KPNA1: variants seen among roughly 807,000 people sequenced by gnomAD.
KPNA1 encodes the protein karyopherin subunit alpha 1, also known as importin subunit alpha-5.
Under a neutral mutation model 70.5 loss-of-function variants are expected in KPNA1, and 10 were observed. The observed-to-expected ratio is 0.14, with a 90% CI of 0.09 to 0.24. The LOEUF (loss-of-function observed/expected upper bound fraction) is 0.24, where lower values mean the gene tolerates loss of function less well. Ranked by LOEUF, KPNA1 falls within the 10% of genes least tolerant of loss-of-function variation. KPNA1 has a pLI of 1.00. For synonymous variants in KPNA1, 192 were observed against 221.9 expected (o/e 0.87, Z 1.20); for missense variants, 397 against 637.9 (o/e 0.62, Z 4.07).
At chr3:122,476,980 C>T (rs986656924) in intron 2 of KPNA1, among the ~76,000 whole-genome samples, 16 of 151,856 alleles carry the variant, frequency 1.1e-4, no homozygotes, top group African/African-American at 3.9e-4. Flanking sequence ...TCTGCACTCC[C>T]AGGTTCACTG....
intron 12 of KPNA1, among the ~76,000 whole-genome samples, chr3:122,431,805 C>CTTT (rs199643020): frequency 5.5e-5 from 8 of 144,650 alleles, no homozygotes; most frequent in African/African-American, 1.8e-4. Flanking sequence ...TCTTCTTCTT[C>CTTT]TTTTTTTTTT....
chr3:122,496,761 T>C (rs897952060), intron 1 of KPNA1, 191 bp from the exon 2 acceptor site: 1 of 437,386 alleles, frequency 2.3e-6, no homozygotes, highest in Middle Eastern at 5.9e-4. Flanking sequence ...TGGAGTACAG[T>C]GGTGCAATCA....
chr3:122,491,948 G>A (rs1397295708), intron 2 of KPNA1, among the ~76,000 whole-genome samples: 6 of 127,006 alleles, frequency 4.7e-5, no homozygotes, highest in Admixed American at 1.0e-4. Context: ...TGCAAGCTCC[G>A]CCTCCCGGGT....
Position 122,426,560 on chromosome 3 carries a change from G to GT in KPNA1, c.*424dup, listed in dbSNP as rs3834790. 18,725 of 157,234 alleles carry GT rather than the reference G, an allele frequency of 0.12. 1,342 individuals carry two copies. The highest frequency in any genetic ancestry group is 0.32 in the East Asian group (1,708 of 5,298). 9.7% of individuals were successfully genotyped at this position (157,234 alleles called of 1,614,324 possible). On this transcript the variant is annotated 3_prime_UTR_variant, in exon 14 of 14. Coordinates refer to ENST00000344337, the MANE Select transcript of KPNA1 (RefSeq NM_002264.4). ...AACAGGTCTAAACATCTCCCTTGTC[G>GT]TAAGTAGTTGTGTAAAATTCAAGAT...
chr3:122,477,738 ATGAGATGATCTGTATAT>A, intron 2 of KPNA1, among the ~76,000 whole-genome samples: 1 of 152,124 alleles, frequency 6.6e-6, no homozygotes, highest in East Asian at 1.9e-4. Flanking sequence ...TGATAGGTAT[ATGAGATGATCTGTATAT>A]TAATTTGCTT....
intron 5 of KPNA1, among the ~76,000 whole-genome samples, chr3:122,457,278 G>T (rs2076274737): frequency 1.3e-5 from 2 of 151,860 alleles, no homozygotes; most frequent in Non-Finnish European, 2.9e-5. Context: ...TGAAATAGTT[G>T]TGAAATGGGA....
chr3:122,466,695 A>G (rs1053834890), intron 3 of KPNA1, among the ~76,000 whole-genome samples: 2 of 152,174 alleles, frequency 1.3e-5, no homozygotes, highest in African/African-American at 4.8e-5. Flanking sequence ...AATCAATAAA[A>G]AATCATTATT....
chr3:122,514,151 C>T (rs900814244), intron 1 of KPNA1, among the ~76,000 whole-genome samples: 1 of 152,180 alleles, frequency 6.6e-6, no homozygotes, highest in African/African-American at 2.4e-5. Flanking sequence ...TTACCACACC[C>T]CCGATCAGCC....
chr3:122,477,088 C>T (rs2076510168), intron 2 of KPNA1, among the ~76,000 whole-genome samples: 1 of 151,982 alleles, frequency 6.6e-6, no homozygotes, highest in South Asian at 2.1e-4. Flanking sequence ...AACAGACCGA[C>T]GTTCTTAAAA....
At chr3:122,429,718 TG>T (rs2107714676) in intron 12 of KPNA1, among the ~76,000 whole-genome samples, 1 of 152,222 alleles carries the variant, frequency 6.6e-6, no homozygotes, top group South Asian at 2.1e-4. Flanking sequence ...AAAGTTTATA[TG>T]GGAAGGCAAA....
intron 1 of KPNA1, among the ~76,000 whole-genome samples, chr3:122,498,602 T>G (rs929802934): frequency 6.6e-6 from 1 of 152,230 alleles, no homozygotes; most frequent in African/African-American, 2.4e-5. Context: ...TCTATTCCAC[T>G]GATCTATATG....
At chr3:122,438,399 T>G (rs202040270) in intron 10 of KPNA1, among the ~76,000 whole-genome samples, 4 of 151,782 alleles carry the variant, frequency 2.6e-5, no homozygotes, top group Non-Finnish European at 4.4e-5. Context: ...TGTTTTTTTT[T>G]TTTTGAGACA....
chr3:122,427,651 A>G lies in KPNA1; in HGVS notation c.1316T>C (p.Ile439Thr). 2 of 1,614,164 alleles carry G rather than the reference A, an allele frequency of 1.2e-6. No individual in the cohort carries two copies. The highest frequency in any genetic ancestry group is 1.7e-6 in the Non-Finnish European group (2 of 1,179,998). ...CDLLTVMDSK[I>T]VQVALNGLEN... is the part of the protein sequence containing the mutation. ...CAAGCCATTTAGGGCAACCTGTACAATCTTAGAGTCCATGACCGTGAGGAG... is the reference window on the plus strand; with the variant it reads ...CAAGCCATTTAGGGCAACCTGTACAGTCTTAGAGTCCATGACCGTGAGGAG... Residue 439 changes from isoleucine (I) to threonine (T), a missense_variant, in exon 13 of 14, where the codon ATT (isoleucine) becomes ACT (threonine). Physicochemically the swap from Ile to Thr is moderately conservative, Grantham distance 89. Coordinates refer to ENST00000344337, the MANE Select transcript of KPNA1 (RefSeq NM_002264.4).
intron 1 of KPNA1, among the ~76,000 whole-genome samples, chr3:122,504,886 T>G (rs115974066): frequency 0.012 from 1,837 of 152,202 alleles, 31 homozygotes; most frequent in African/African-American, 0.042. Flanking sequence ...GAGAGGGGAT[T>G]ACATTTGTTC....
intron 2 of KPNA1, among the ~76,000 whole-genome samples, chr3:122,487,664 A>G (rs1251219945): frequency 6.6e-6 from 1 of 152,244 alleles, no homozygotes; most frequent in East Asian, 1.9e-4. Flanking sequence ...ACAAGAGGAC[A>G]AATATTGTAC....
At chr3:122,431,063 T>C (rs1160522198) in intron 12 of KPNA1, among the ~76,000 whole-genome samples, 2 of 152,234 alleles carry the variant, frequency 1.3e-5, no homozygotes, top group Non-Finnish European at 2.9e-5. Context: ...GTTTCTCTAA[T>C]TTCAGTTAAT....
chr3:122,440,978 T>A (rs1041854221), intron 10 of KPNA1, among the ~76,000 whole-genome samples: 8 of 152,214 alleles, frequency 5.3e-5, no homozygotes, highest in African/African-American at 1.9e-4. Flanking sequence ...TCCTTAATTT[T>A]AGAGATTAGA....
chr3:122,491,764 G>T (rs1025463233), intron 2 of KPNA1, among the ~76,000 whole-genome samples: 2 of 148,710 alleles, frequency 1.3e-5, no homozygotes, highest in Non-Finnish European at 3.0e-5. Flanking sequence ...GATGTACCAC[G>T]GTATCTAAAT....
In KPNA1 at chr3:122,426,930, A is replaced by C; in HGVS notation, c.*55T>G. 1.4e-6 allele frequency: 2 copies of C among 1,421,694 alleles called. No individual in the cohort carries two copies. The highest frequency in any genetic ancestry group is 2.4e-5 in the South Asian group (2 of 83,926). The allele number at this position is 1,421,694 out of a possible 1,614,324, so 88.1% of individuals were successfully genotyped here. On this transcript the variant is annotated 3_prime_UTR_variant, in exon 14 of 14. Transcript: ENST00000344337. The stretch of plus-strand genomic sequence containing the variant: ...CCATGAGGACTGTGGGCTCCACAAG[A>C]GGACTCGACTGGGTAGCCTGGTCTG...
Sources: gnomAD v4.1 joint callset for allele counts (sites outside exome capture counted in the v4.1 genomes callset) on GRCh38, gnomAD v4.1.1 for gene constraint, MANE v1.5 for transcripts, NCBI Gene and HGNC (gene_info 2026-07-23, HGNC 2026-07-21) for gene names.